AFAP1: variants seen among roughly 807,000 people sequenced by gnomAD.
AFAP1 encodes actin filament-associated protein 1.
AFAP1 carries 75 observed loss-of-function variants against 93.9 expected under a neutral mutation model. The observed-to-expected ratio is 0.80, with a 90% CI of 0.66 to 0.97. The LOEUF (loss-of-function observed/expected upper bound fraction) is 0.97. Among genes scored for constraint, AFAP1 ranks in the 50% least tolerant of loss-of-function variants. The probability of loss-of-function intolerance (pLI) is 0.00; values close to 1 mark genes in which losing one functional copy is unlikely to be tolerated. For missense variants in AFAP1, 1,201 were observed against 1,050.8 expected (o/e 1.14, Z -1.98); for synonymous variants, 517 against 430.7 (o/e 1.20, Z -2.48).
At position 7,760,099 on chromosome 4, in the gene AFAP1, C is replaced by G. The variant is rs1713569265; in HGVS notation, c.*3666G>C. 1 of 152,210 alleles carries G rather than the reference C, an allele frequency of 6.6e-6. No individual in the cohort carries two copies. Among genetic ancestry groups the G allele is most frequent in the Non-Finnish European group, 1.5e-5 (1 of 68,034 alleles). 9.4% of individuals were successfully genotyped at this position (152,210 alleles called of 1,614,324 possible). ...CACCTAACCCCAGCTTCGACGCTGCCCTTTGAGTCCCGTGCACAAGCACCA... is the reference window on the plus strand; with the variant it reads ...CACCTAACCCCAGCTTCGACGCTGCGCTTTGAGTCCCGTGCACAAGCACCA... On this transcript the variant is annotated 3_prime_UTR_variant, in exon 18 of 18. Transcript: ENST00000420658.
chr4:7,888,109 G>C (rs986006806), intron 1 of AFAP1, among the ~76,000 whole-genome samples: 5 of 152,218 alleles, frequency 3.3e-5, no homozygotes, highest in African/African-American at 1.2e-4. Flanking sequence ...TTACAGGCGT[G>C]AGCCACCACG....
At chr4:7,936,582 AT>A (rs56364092) in intron 1 of AFAP1, among the ~76,000 whole-genome samples, 321 of 135,442 alleles carry the variant, frequency 2.4e-3, no homozygotes, top group Middle Eastern at 3.9e-3. Context: ...ACAAGCGGTA[AT>A]TTTTTTTTTT....
Position 7,893,873 on chromosome 4 carries a change from G to A in AFAP1, c.-2-21793C>T, listed in dbSNP as rs879373530. Among the ~76,000 whole-genome samples, 12 of 152,304 alleles carry A rather than the reference G, an allele frequency of 7.9e-5. No homozygotes were observed. In the East Asian group the frequency reaches 1.7e-3, roughly 22 times the overall value. On this transcript the variant is annotated intron_variant, in intron 1 of 17. Transcript: ENST00000420658. ...ACACCAGGGCGAGGGTGTTTCCAGT[G>A]TAGAAGGGAACCAGCAATAATGCTC...
At chr4:7,899,885 A>AAATAAATAAATAAATAAATAAATAAAT (rs1560227070) in intron 1 of AFAP1, among the ~76,000 whole-genome samples, 1 of 103,510 alleles carries the variant, frequency 9.7e-6, no homozygotes, top group East Asian at 3.1e-4. Context: ...AATAAATAAA[A>AAATAAATAAATAAATAAATAAATAAAT]AAGGAAGGGG....
At chr4:7,881,459 T>G (rs966679804) in intron 1 of AFAP1, among the ~76,000 whole-genome samples, 16 of 151,622 alleles carry the variant, frequency 1.1e-4, no homozygotes, top group African/African-American at 3.9e-4. Flanking sequence ...TGCCACTCAT[T>G]TGGCCCTCAT....
chr4:7,781,843 G>A, intron 12 of AFAP1, among the ~76,000 whole-genome samples: 1 of 151,960 alleles, frequency 6.6e-6, no homozygotes, highest in East Asian at 1.9e-4. Context: ...GCATGCAGGT[G>A]GATTCAAAAG....
At chr4:7,907,807 T>G (rs1373550925) in intron 1 of AFAP1, among the ~76,000 whole-genome samples, 2 of 151,846 alleles carry the variant, frequency 1.3e-5, no homozygotes. Context: ...ATCTGCATTG[T>G]TTTTTTTCCT....
Position 7,763,593 on chromosome 4 carries a change from A to G in AFAP1, c.*172T>C, listed in dbSNP as rs1475293655. ...TTTTTTAAAGGCGCCATTTTACAGT[A>G]GAAAGAATACAAGTGGGCCTGGGGG... On this transcript the variant is annotated 3_prime_UTR_variant, in exon 18 of 18. Transcript: ENST00000420658. The G allele has an allele frequency of 1.5e-6, 1 of 653,166 alleles. No homozygotes were observed. The highest frequency in any genetic ancestry group is 2.9e-5 in the East Asian group (1 of 34,016). 40.5% of individuals were successfully genotyped at this position (653,166 alleles called of 1,614,324 possible). A position where few individuals can be genotyped will look rare whatever the true frequency, so the allele number is the denominator to read the frequency against.
intron 1 of AFAP1, among the ~76,000 whole-genome samples, chr4:7,883,222 AAGAC>A (rs1219584789): frequency 2.0e-5 from 3 of 151,464 alleles, no homozygotes; most frequent in Non-Finnish European, 4.4e-5. Flanking sequence ...AGGAGGAGGA[AAGAC>A]AGAAAGAAAA....
chr4:7,806,599 T>C (rs922451417), intron 9 of AFAP1, among the ~76,000 whole-genome samples: 2 of 152,194 alleles, frequency 1.3e-5, no homozygotes, highest in African/African-American at 2.4e-5. Context: ...TCAAGGGCCT[T>C]TGTCCAGCTC....
chr4:7,763,912 A>G, intron 17 of AFAP1, 121 bp from the exon 18 acceptor site: 1 of 916,858 alleles, frequency 1.1e-6, no homozygotes, highest in Non-Finnish European at 1.7e-6. Context: ...AAAACTCAAC[A>G]GAATCAATGA....
intron 3 of AFAP1, among the ~76,000 whole-genome samples, chr4:7,856,530 G>A (rs937841161): frequency 5.9e-5 from 9 of 152,144 alleles, no homozygotes; most frequent in South Asian, 2.1e-4. Flanking sequence ...GTCAGCCACC[G>A]CACCTGGCCC....
At chr4:7,878,395 G>A (rs1314825582) in intron 1 of AFAP1, among the ~76,000 whole-genome samples, 1 of 152,220 alleles carries the variant, frequency 6.6e-6, no homozygotes, top group Non-Finnish European at 1.5e-5. Flanking sequence ...TGTATTCCGA[G>A]AGTGGCCTTC....
intron 3 of AFAP1, 63 bp downstream of exon 3, chr4:7,868,559 G>A: frequency 4.7e-6 from 7 of 1,476,444 alleles, no homozygotes; most frequent in Non-Finnish European, 5.6e-6. Flanking sequence ...ACAGGCCCCT[G>A]GAGCCCGTAA....
At chr4:7,864,287 T>G (rs1716161708) in intron 3 of AFAP1, among the ~76,000 whole-genome samples, 1 of 152,192 alleles carries the variant, frequency 6.6e-6, no homozygotes, top group Non-Finnish European at 1.5e-5. Flanking sequence ...AGCTGGCTGT[T>G]TTTCTGGCTT....
chr4:7,869,577 T>A (rs1047670709), intron 2 of AFAP1, among the ~76,000 whole-genome samples: 2 of 152,092 alleles, frequency 1.3e-5, no homozygotes, highest in Non-Finnish European at 2.9e-5. Flanking sequence ...CTAGGAAAGG[T>A]GATGAACACG....
At chr4:7,869,472 T>C (rs1352399910) in intron 2 of AFAP1, among the ~76,000 whole-genome samples, 1 of 152,238 alleles carries the variant, frequency 6.6e-6, no homozygotes, top group Admixed American at 6.5e-5. Flanking sequence ...GATACTGTAA[T>C]AGACATACTG....
intron 1 of AFAP1, among the ~76,000 whole-genome samples, chr4:7,933,322 C>G (rs1721198811): frequency 6.6e-6 from 1 of 152,116 alleles, no homozygotes; most frequent in Non-Finnish European, 1.5e-5. Flanking sequence ...CGCCTGTAAT[C>G]ACAGCACTTT....
intron 3 of AFAP1, among the ~76,000 whole-genome samples, 176 bp downstream of exon 3, chr4:7,868,446 C>T (rs1716669951): frequency 6.6e-6 from 1 of 152,182 alleles, no homozygotes; most frequent in African/African-American, 2.4e-5. Flanking sequence ...CACCTAGAGT[C>T]TACCAACTAG....
Sources: allele counts gnomAD v4.1 joint callset (sites outside exome capture counted in the v4.1 genomes callset), GRCh38; gene constraint gnomAD v4.1.1; transcripts MANE v1.5; gene names NCBI Gene and HGNC (gene_info 2026-07-23, HGNC 2026-07-21).